HEMK2: variants seen among roughly 807,000 people sequenced by gnomAD.
HEMK2 encodes the protein methyltransferase HEMK2.
chr21:28,683,044 T>G, the HEMK2 span, among the ~76,000 whole-genome samples: 1 of 151,024 alleles, frequency 6.6e-6, no homozygotes, highest in East Asian at 1.9e-4. Flanking sequence ...ACCCTAAAAC[T>G]TAAAGTATAA....
chr21:28,679,426 C>T, the HEMK2 span, among the ~76,000 whole-genome samples: 319 of 152,294 alleles, frequency 2.1e-3, 1 homozygote, highest in African/African-American at 7.2e-3. Flanking sequence ...GAGACTTAGA[C>T]TCCCACACAA....
the HEMK2 span, among the ~76,000 whole-genome samples, chr21:28,728,414 C>T: frequency 1.3e-5 from 2 of 152,146 alleles, no homozygotes; most frequent in East Asian, 3.9e-4. Flanking sequence ...TGGGGCCTCC[C>T]TAAAGGGTGG....
the HEMK2 span, among the ~76,000 whole-genome samples, chr21:28,739,246 AT>A: frequency 6.6e-6 from 1 of 152,216 alleles, no homozygotes; most frequent in East Asian, 1.9e-4. Context: ...TTTGGCACAG[AT>A]CAAGAACACA....
chr21:28,588,574 A>G, the HEMK2 span, among the ~76,000 whole-genome samples: 1 of 152,224 alleles, frequency 6.6e-6, no homozygotes, highest in African/African-American at 2.4e-5. Flanking sequence ...ACAAAAGAAG[A>G]AAGTCAGTCG....
chr21:28,749,671 T>C, the HEMK2 span, among the ~76,000 whole-genome samples: 1 of 152,220 alleles, frequency 6.6e-6, no homozygotes, highest in Non-Finnish European at 1.5e-5. Context: ...CAATCTGTTT[T>C]AACATGGTCT....
chr21:28,764,094 C>T, the HEMK2 span, among the ~76,000 whole-genome samples: 1 of 152,034 alleles, frequency 6.6e-6, no homozygotes, highest in African/African-American at 2.4e-5. Context: ...TTTCCTAACT[C>T]ACCTCCCTAC....
the HEMK2 span, among the ~76,000 whole-genome samples, chr21:28,722,113 T>A: frequency 6.6e-6 from 1 of 151,796 alleles, no homozygotes; most frequent in African/African-American, 2.4e-5. Context: ...TGAGCCACCA[T>A]GAATGTGAGG....
the HEMK2 span, among the ~76,000 whole-genome samples, chr21:28,596,735 C>T: frequency 2.0e-5 from 3 of 152,032 alleles, no homozygotes; most frequent in Admixed American, 6.6e-5. Context: ...AATTTAAATT[C>T]AGTCTTGGCA....
the HEMK2 span, among the ~76,000 whole-genome samples, chr21:28,678,565 G>A: frequency 6.6e-6 from 1 of 152,120 alleles, no homozygotes; most frequent in Non-Finnish European, 1.5e-5. Flanking sequence ...TACTCCTCAA[G>A]AAGAGCTACT....
At chr21:28,613,502 C>G in the HEMK2 span, among the ~76,000 whole-genome samples, 1 of 151,834 alleles carries the variant, frequency 6.6e-6, no homozygotes, top group Non-Finnish European at 1.5e-5. Context: ...GATGGGGAAA[C>G]CATTGTATAG....
the HEMK2 span, among the ~76,000 whole-genome samples, chr21:28,794,509 T>C: frequency 4.1e-3 from 630 of 152,306 alleles, 14 homozygotes; most frequent in East Asian, 0.066. Context: ...ACAATGTCAA[T>C]ACAATTAAAT....
At chr21:28,598,170 T>C in the HEMK2 span, among the ~76,000 whole-genome samples, 4 of 152,162 alleles carry the variant, frequency 2.6e-5, no homozygotes, top group Admixed American at 6.5e-5. Context: ...GTCTTCAGGA[T>C]TGGCCCTGGA....
chr21:28,841,664 C>A, the HEMK2 span, among the ~76,000 whole-genome samples: 1 of 149,710 alleles, frequency 6.7e-6, no homozygotes, highest in African/African-American at 2.5e-5. Flanking sequence ...TAGGGAGTTG[C>A]GGGGAAGAGT....
At chr21:28,814,955 C>G in the HEMK2 span, among the ~76,000 whole-genome samples, 1 of 152,126 alleles carries the variant, frequency 6.6e-6, no homozygotes, top group African/African-American at 2.4e-5. Context: ...GCACTATTCA[C>G]AATAGCAAAG....
At chr21:28,595,978 G>C in the HEMK2 span, among the ~76,000 whole-genome samples, 2 of 151,602 alleles carry the variant, frequency 1.3e-5, no homozygotes, top group Non-Finnish European at 2.9e-5. Context: ...TAGAGACGGG[G>C]TTTCACCATG....
At chr21:28,837,685 A>C in the HEMK2 span, among the ~76,000 whole-genome samples, 2 of 152,186 alleles carry the variant, frequency 1.3e-5, no homozygotes, top group Admixed American at 1.3e-4. Context: ...AAAGGAAATA[A>C]CCAAGATCAG....
the HEMK2 span, among the ~76,000 whole-genome samples, chr21:28,841,347 T>TA: frequency 2.5e-4 from 4 of 16,062 alleles, 1 homozygote; most frequent in East Asian, 0.018. Flanking sequence ...ATATTATATA[T>TA]ATAAATATTA....
the HEMK2 span, among the ~76,000 whole-genome samples, chr21:28,802,058 G>T: frequency 6.6e-6 from 1 of 152,142 alleles, no homozygotes; most frequent in Non-Finnish European, 1.5e-5. Context: ...TGAGCAAAAT[G>T]ATGAGTGTAC....
the HEMK2 span, among the ~76,000 whole-genome samples, chr21:28,844,030 G>C: frequency 1.3e-5 from 2 of 151,922 alleles, no homozygotes; most frequent in African/African-American, 4.8e-5. Context: ...TGCTTATTTA[G>C]GGATTATATA....
Sources: allele counts gnomAD v4.1 joint callset (sites outside exome capture counted in the v4.1 genomes callset), GRCh38; gene constraint gnomAD v4.1.1; transcripts MANE v1.5; gene names NCBI Gene and HGNC (gene_info 2026-07-23, HGNC 2026-07-21).